PACS2: variants seen among roughly 807,000 people sequenced by gnomAD.
PACS2 encodes PACS1-like protein.
PACS2 carries 36 observed loss-of-function variants against 113.0 expected under a neutral mutation model. The ratio of observed to expected loss-of-function variants is 0.32; its 90% confidence interval spans 0.24 to 0.42. The LOEUF (loss-of-function observed/expected upper bound fraction) is 0.42. Among genes scored for constraint, PACS2 ranks in the 10% least tolerant of loss-of-function variants. The pLI is 1.00. For synonymous variants in PACS2, 589 were observed against 536.1 expected, an observed-to-expected ratio of 1.10 and a Z score of -1.36; for missense variants, 1,015 against 1,239.5, an observed-to-expected ratio of 0.82 and a Z score of 2.72.
chr14:105,388,019 G>A (rs2081236522), intron 19 of PACS2, among the ~76,000 whole-genome samples: 1 of 152,272 alleles, frequency 6.6e-6, no homozygotes, highest in Non-Finnish European at 1.5e-5. Context: ...GGGGCCAGGA[G>A]GCCGCCCTGA....
Position 105,395,348 on chromosome 14 carries a change from T to G in PACS2, c.*676T>G, listed in dbSNP as rs1595203871. ...CCCCTGCCCCACCCCGCCTCACACC[T>G]TCCCCACTCTCAGGCTGTTCTTGAA... On this transcript the variant is annotated 3_prime_UTR_variant, in exon 25 of 25. Transcript: ENST00000447393. 1.7e-5 allele frequency: 2 copies of G among 117,704 alleles called. No homozygotes were observed. Among genetic ancestry groups the G allele is most frequent in the Non-Finnish European group, 3.5e-5 (2 of 56,952 alleles). The allele number at this position is 117,704 out of a possible 1,614,324, so 7.3% of individuals were successfully genotyped here.
intron 1 of PACS2, among the ~76,000 whole-genome samples, chr14:105,333,898 G>C (rs1403878417): frequency 3.3e-5 from 5 of 152,248 alleles, no homozygotes; most frequent in Non-Finnish European, 7.3e-5. Flanking sequence ...GCCTCCCCCA[G>C]CTGTCACACG....
chr14:105,362,389 C>T (rs1185109741), intron 4 of PACS2, among the ~76,000 whole-genome samples: 5 of 148,570 alleles, frequency 3.4e-5, no homozygotes, highest in African/African-American at 1.3e-4. Flanking sequence ...TGCACTCCAG[C>T]CTGGGCGACA....
intron 2 of PACS2, among the ~76,000 whole-genome samples, chr14:105,350,571 A>C (rs1555403728): frequency 6.6e-6 from 1 of 151,030 alleles, no homozygotes; most frequent in Non-Finnish European, 1.5e-5. Context: ...GCCTCCCTTG[A>C]TCACCCCAGC....
chr14:105,312,368 G>A (rs922618813), upstream of PACS2, among the ~76,000 whole-genome samples: 1 of 152,172 alleles, frequency 6.6e-6, no homozygotes, highest in Non-Finnish European at 1.5e-5. Flanking sequence ...CGGGGACCCC[G>A]GGCAGCACGT....
chr14:105,362,155 A>C lies in PACS2; in HGVS notation c.424-5058A>C, dbSNP rs999217801. Reference sequence around the variant, plus strand: ...AAGAATGGGCCAGGTGTGGTGGCTCACGCCTGTCATCCCAGCACTTTGGGA... The same window carrying C: ...AAGAATGGGCCAGGTGTGGTGGCTCCCGCCTGTCATCCCAGCACTTTGGGA... On this transcript the variant is annotated intron_variant, in intron 4 of 24. Transcript: ENST00000447393. 5.3e-5 allele frequency among the ~76,000 whole-genome samples: 8 copies of C among 151,938 alleles called. No individual in the cohort carries two copies. The South Asian group carries it at 6.3e-4, about 12-fold the overall frequency.
chr14:105,392,754 C>T lies in PACS2; in HGVS notation c.2391C>T (p.Ser797=). The change falls in exon 23 of 25, where the codon TCC becomes TCT. Residue 797 remains serine, a synonymous_variant. Coordinates refer to ENST00000447393, the MANE Select transcript of PACS2 (RefSeq NM_001100913.3). ...TKNTLKCTFR[S]LQVSRLPSSG... Reference sequence around the variant, plus strand: ...ACACGCTCAAGTGCACTTTCCGGTCCCTCCAGGTCAGCAGGCTGCCCAGCA... The same window carrying T: ...ACACGCTCAAGTGCACTTTCCGGTCTCTCCAGGTCAGCAGGCTGCCCAGCA... 1.2e-6 allele frequency: 2 copies of T among 1,612,496 alleles called. No homozygotes were observed. Among genetic ancestry groups the T allele is most frequent in the South Asian group, 1.1e-5 (1 of 91,082 alleles).
rs1555411912 is a variant in PACS2 at position 105,381,117 on chromosome 14, G to A, written c.1268+18G>A. 6.2e-7 allele frequency: 1 copy of A among 1,601,562 alleles called. No homozygotes were observed. The highest frequency in any genetic ancestry group is 8.5e-7 in the Non-Finnish European group (1 of 1,172,890). On this transcript the variant is annotated intron_variant, in intron 12 of 24. Coordinates refer to ENST00000447393, the MANE Select transcript of PACS2 (RefSeq NM_001100913.3). ...TCCACCAGGTGATGGGGGCTGCACG[G>A]CGGGGCGGGGCGGTGATGCACCTGT... is the stretch of plus-strand genomic sequence containing the variant.
intron 1 of PACS2, among the ~76,000 whole-genome samples, chr14:105,305,606 G>A (rs1386989591): frequency 6.6e-6 from 1 of 152,298 alleles, no homozygotes; most frequent in South Asian, 2.1e-4. Flanking sequence ...ATTGCAGTGT[G>A]AACCAACTGA....
At chr14:105,318,194 A>G (rs1487841727) in intron 1 of PACS2, among the ~76,000 whole-genome samples, 1 of 152,098 alleles carries the variant, frequency 6.6e-6, no homozygotes, top group Non-Finnish European at 1.5e-5. Flanking sequence ...TGTTGCCCAG[A>G]CTGGTCTTGA....
intron 5 of PACS2, among the ~76,000 whole-genome samples, chr14:105,367,615 C>T (rs587681614): frequency 2.6e-5 from 4 of 152,384 alleles, no homozygotes; most frequent in Admixed American, 2.6e-4. Flanking sequence ...AGGCCTGAGT[C>T]CTGAGTGTCC....
At chr14:105,311,118 A>G (rs2058340837), upstream of PACS2, among the ~76,000 whole-genome samples, 1 of 151,670 alleles carries the variant, frequency 6.6e-6, no homozygotes, top group African/African-American at 2.4e-5. Context: ...ATGCCCCACT[A>G]ATTTTTTGTA....
chr14:105,346,442 C>T (rs1318489773), intron 1 of PACS2, among the ~76,000 whole-genome samples: 1 of 151,602 alleles, frequency 6.6e-6, no homozygotes, highest in East Asian at 1.9e-4. Context: ...GAGAGCACCC[C>T]GTGGCCCTGC....
At chr14:105,383,602 TTG>T (rs2081069440) in intron 16 of PACS2, 89 bp downstream of exon 16, 3 of 1,319,586 alleles carry the variant, frequency 2.3e-6, no homozygotes, top group Non-Finnish European at 3.1e-6. Flanking sequence ...GCGTGGCGTG[TTG>T]TGTGGCGTGG....
chr14:105,307,920 C>T (rs1165373042), intron 1 of PACS2, among the ~76,000 whole-genome samples: 2 of 152,202 alleles, frequency 1.3e-5, no homozygotes, highest in Admixed American at 6.5e-5. Flanking sequence ...CAGTGGCTCA[C>T]GCCTGTCATC....
chr14:105,381,003 C>G lies in PACS2; in HGVS notation c.1172C>G (p.Pro391Arg). Residue 391 changes from proline (P) to arginine (R), a missense_variant, in exon 12 of 25, where the codon CCC becomes CGC. Pro to Arg is a moderately radical substitution (Grantham distance 103, BLOSUM62 -2). Transcript: ENST00000447393. ...REHPGQPEDS[P>R]EAEASTLDVF... ...CACCCTGGACAGCCTGAGGACAGCC[C>G]CGAGGCTGAGGCCTCCACCCTGGAT... 6.2e-7 allele frequency: 1 copy of G among 1,612,468 alleles called. No individual in the cohort carries two copies. The highest frequency in any genetic ancestry group is 8.5e-7 in the Non-Finnish European group (1 of 1,179,696).
upstream of PACS2, among the ~76,000 whole-genome samples, chr14:105,313,540 C>G (rs895125360): frequency 3.3e-5 from 5 of 152,236 alleles, no homozygotes; most frequent in African/African-American, 1.2e-4. Flanking sequence ...GTTCTAGATA[C>G]AGGAGTTACA....
At chr14:105,384,834 C>T (rs1448342308) in intron 17 of PACS2, 45 bp from the exon 18 acceptor site, 5 of 1,292,382 alleles carry the variant, frequency 3.9e-6, no homozygotes, top group Non-Finnish European at 5.5e-6. Context: ...GCCTGCAACC[C>T]CACCTGGCAC....
intron 1 of PACS2, among the ~76,000 whole-genome samples, chr14:105,327,461 G>C (rs587704152): frequency 6.4e-4 from 98 of 152,356 alleles, no homozygotes; most frequent in African/African-American, 2.3e-3. Context: ...GGTGACAGGG[G>C]GCTGGGGTGG....
Sources: gnomAD v4.1 joint callset for allele counts (sites outside exome capture counted in the v4.1 genomes callset) on GRCh38, gnomAD v4.1.1 for gene constraint, MANE v1.5 for transcripts, NCBI Gene and HGNC (gene_info 2026-07-23, HGNC 2026-07-21) for gene names.